Variants in CLDN14 observed in about 807,000 individuals in gnomAD.
CLDN14 encodes the protein claudin-14.
CLDN14 carries 2 observed loss-of-function variants against 2.1 expected under a neutral mutation model. The observed-to-expected ratio is 0.96, with a 90% CI of 0.39 to 3.01. The LOEUF (loss-of-function observed/expected upper bound fraction) is 3.01, where lower values mean the gene tolerates loss of function less well. CLDN14 is among the 30% of genes most tolerant of loss of function. The pLI, the probability that CLDN14 is intolerant of heterozygous loss-of-function variation, is 0.09. For missense variants in CLDN14, 298 were observed against 328.0 expected (o/e 0.91, Z 0.71); for synonymous variants, 136 against 154.4 (o/e 0.88, Z 0.88).
chr21:36,574,652 C>T (rs1286347470), intron 1 of CLDN14, among the ~76,000 whole-genome samples: 2 of 152,098 alleles, frequency 1.3e-5, no homozygotes, highest in Non-Finnish European at 2.9e-5. Context: ...AGATACAATT[C>T]TGAAAGATTG....
chr21:36,531,331 C>A (rs2087378441), intron 1 of CLDN14, among the ~76,000 whole-genome samples: 1 of 150,960 alleles, frequency 6.6e-6, no homozygotes, highest in Non-Finnish European at 1.5e-5. Flanking sequence ...GTCACCCAAG[C>A]TGCAGTGCAG....
chr21:36,514,935 G>T (rs1049704018), intron 1 of CLDN14, among the ~76,000 whole-genome samples: 2 of 152,000 alleles, frequency 1.3e-5, no homozygotes, highest in Non-Finnish European at 2.9e-5. Flanking sequence ...GAACCCTAAG[G>T]TCACTCAGAG....
At chr21:36,537,352 T>C (rs1400591448) in intron 1 of CLDN14, among the ~76,000 whole-genome samples, 2 of 152,210 alleles carry the variant, frequency 1.3e-5, no homozygotes, top group South Asian at 2.1e-4. Flanking sequence ...TAGATTGAAG[T>C]TGATAAAAAG....
At chr21:36,470,531 C>T (rs1269293957) in intron 1 of CLDN14, among the ~76,000 whole-genome samples, 1 of 152,188 alleles carries the variant, frequency 6.6e-6, no homozygotes, top group Non-Finnish European at 1.5e-5. Flanking sequence ...AACCAGCCTG[C>T]CCACACCTTA....
intron 1 of CLDN14, among the ~76,000 whole-genome samples, chr21:36,549,396 G>C (rs1425613231): frequency 1.3e-5 from 2 of 152,076 alleles, no homozygotes; most frequent in Non-Finnish European, 2.9e-5. Flanking sequence ...AGATGTATTT[G>C]GTGTTGAAAA....
At chr21:36,473,838 C>A (rs1183844160) in intron 1 of CLDN14, among the ~76,000 whole-genome samples, 1 of 152,186 alleles carries the variant, frequency 6.6e-6, no homozygotes, top group African/African-American at 2.4e-5. Flanking sequence ...CGATAGTGAA[C>A]GGTCAACCCA....
rs530423101 is a variant in CLDN14 at position 36,560,180 on chromosome 21, A to AT, written c.-220+16230dup. Among the ~76,000 whole-genome samples, 5 of 151,452 alleles carry AT rather than the reference A, an allele frequency of 3.3e-5. No homozygotes were observed. The East Asian group carries it at 9.7e-4, about 29-fold the overall frequency. On this transcript the variant is annotated intron_variant, in intron 1 of 2. Coordinates refer to the CLDN14 transcript ENST00000342108. ...TCTTTAGGCTCAAATACTTATACAC[A>AT]TTTTACGTTAGTCATTTCTTTCTAT...
At chr21:36,564,909 G>A (rs999727916) in intron 1 of CLDN14, among the ~76,000 whole-genome samples, 2 of 152,180 alleles carry the variant, frequency 1.3e-5, no homozygotes, top group African/African-American at 4.8e-5. Context: ...AAGGAATGCA[G>A]GTGGCCTTTA....
At chr21:36,509,200 G>A (rs903301550) in intron 2 of CLDN14, among the ~76,000 whole-genome samples, 4 of 152,346 alleles carry the variant, frequency 2.6e-5, no homozygotes, top group African/African-American at 9.6e-5. Context: ...CGGCCCTAGC[G>A]CCACAGGTGG....
rs755346413 is a variant in CLDN14 at position 36,461,485 on chromosome 21, G to T, written c.211C>A (p.Leu71Met). 2 of 1,613,472 alleles carry T rather than the reference G, an allele frequency of 1.2e-6. No individual in the cohort carries two copies. Among genetic ancestry groups the T allele is most frequent in the Middle Eastern group, 1.6e-4 (1 of 6,062 alleles). The change falls in exon 2 of 2, where the codon CTG (leucine) becomes ATG (methionine). Residue 71 changes from leucine to methionine, a missense_variant. Transcript: ENST00000399135. ...IYQCQIYRSL[L>M]ALPQDLQAAR... ...GCCTGGAGGTCTTGGGGCAGCGCCA[G>T]CAGGGATCGGTAGATCTGGCACTGG... is the stretch of plus-strand genomic sequence containing the variant.
intron 1 of CLDN14, among the ~76,000 whole-genome samples, chr21:36,533,178 A>G (rs966678885): frequency 2.6e-5 from 4 of 152,200 alleles, no homozygotes; most frequent in African/African-American, 7.2e-5. Context: ...GGGGCTGCAC[A>G]TCTGGCTGTG....
At chr21:36,494,403 G>A (rs181282612) in intron 2 of CLDN14, among the ~76,000 whole-genome samples, 3 of 152,262 alleles carry the variant, frequency 2.0e-5, no homozygotes, top group Admixed American at 2.0e-4. Flanking sequence ...ACGAGGAGGA[G>A]AACTAAAGAA....
chr21:36,480,834 TCTG>T (rs1255603289), upstream of CLDN14: 1 of 151,904 alleles, frequency 6.6e-6, no homozygotes, highest in Non-Finnish European at 1.5e-5. Flanking sequence ...TCCGCCGGGC[TCTG>T]GTTGGTGTTT....
intron 1 of CLDN14, among the ~76,000 whole-genome samples, chr21:36,513,656 A>G (rs2087202064): frequency 6.6e-6 from 1 of 152,156 alleles, no homozygotes. Flanking sequence ...AAGAATGAGA[A>G]GGGGTCATAA....
intron 1 of CLDN14, among the ~76,000 whole-genome samples, chr21:36,573,391 T>C (rs1045530554): frequency 1.3e-5 from 2 of 151,260 alleles, no homozygotes; most frequent in African/African-American, 2.4e-5. Context: ...TAGAAAAGGG[T>C]GTGAATTATA....
intron 1 of CLDN14, among the ~76,000 whole-genome samples, chr21:36,571,964 T>A (rs1046335156): frequency 6.6e-6 from 1 of 152,184 alleles, no homozygotes; most frequent in Admixed American, 6.5e-5. Flanking sequence ...AGAGTTCAAC[T>A]GAGTCATTGC....
At chr21:36,472,927 A>G (rs1292452376) in intron 1 of CLDN14, among the ~76,000 whole-genome samples, 1 of 152,166 alleles carries the variant, frequency 6.6e-6, no homozygotes, top group Non-Finnish European at 1.5e-5. Flanking sequence ...GGGCTCCAAC[A>G]TAGGAATTTT....
At chr21:36,574,660 T>C (rs1352386663) in intron 1 of CLDN14, among the ~76,000 whole-genome samples, 5 of 152,222 alleles carry the variant, frequency 3.3e-5, no homozygotes, top group South Asian at 2.1e-4. Flanking sequence ...TTCTGAAAGA[T>C]TGTTGAACTG....
At chr21:36,572,687 C>T (rs2146530622) in intron 1 of CLDN14, among the ~76,000 whole-genome samples, 1 of 152,260 alleles carries the variant, frequency 6.6e-6, no homozygotes, top group Non-Finnish European at 1.5e-5. Context: ...AGACCCTGGT[C>T]AAAATTGTGG....
Sources: allele counts gnomAD v4.1 joint callset (sites outside exome capture counted in the v4.1 genomes callset), GRCh38; gene constraint gnomAD v4.1.1; transcripts MANE v1.5; gene names NCBI Gene and HGNC (gene_info 2026-07-23, HGNC 2026-07-21).